The following PRMT8 variants were observed in gnomAD, a reference collection of about 807,000 sequenced individuals.
The protein encoded by PRMT8 is protein arginine methyltransferase 8.
PRMT8 carries 7 observed loss-of-function variants against 47.1 expected under a neutral mutation model. The observed-to-expected ratio is 0.15, with a 90% confidence interval of 0.08 to 0.28. The LOEUF (loss-of-function observed/expected upper bound fraction) is 0.28, where lower values mean the gene tolerates loss of function less well. Ranked by LOEUF, PRMT8 falls within the 10% of genes least tolerant of loss-of-function variation. The pLI is 1.00. For missense variants in PRMT8, 237 were observed against 505.4 expected, an observed-to-expected ratio of 0.47 and a Z score of 5.09; for synonymous variants, 188 against 186.5, an observed-to-expected ratio of 1.01 and a Z score of -0.07.
Position 3,568,691 on chromosome 12 carries a change from G to T in PRMT8, c.482-15G>T. The T allele has an allele frequency of 6.2e-7, 1 of 1,614,132 alleles. No individual in the cohort carries two copies. The highest frequency in any genetic ancestry group is 8.5e-7 in the Non-Finnish European group (1 of 1,180,010). On this transcript the variant is annotated splice_polypyrimidine_tract_variant and intron_variant, in intron 4 of 9. Coordinates refer to ENST00000382622, the MANE Select transcript of PRMT8 (RefSeq NM_019854.5). ...GGTCCCTGCAAAGTATGGCCCTGGG[G>T]TTCTTATTTTCCAGTCATCACCATA...
chr12:3,591,168 G>A (rs538067032), intron 8 of PRMT8, among the ~76,000 whole-genome samples: 10 of 152,224 alleles, frequency 6.6e-5, no homozygotes, highest in African/African-American at 2.4e-4. Flanking sequence ...AGAATATATC[G>A]TGTGCTGAGA....
intron 1 of PRMT8, among the ~76,000 whole-genome samples, chr12:3,382,860 A>G (rs1039252258): frequency 1.3e-5 from 2 of 152,168 alleles, no homozygotes; most frequent in African/African-American, 4.8e-5. Flanking sequence ...TAACTCCATG[A>G]TACATTTTGA....
At chr12:3,542,409 A>G (rs1866247308) in intron 2 of PRMT8, among the ~76,000 whole-genome samples, 1 of 152,224 alleles carries the variant, frequency 6.6e-6, no homozygotes, top group Non-Finnish European at 1.5e-5. Context: ...CCACTGGGCT[A>G]GGGATTCCTG....
chr12:3,530,074 T>C (rs180764261), intron 1 of PRMT8, among the ~76,000 whole-genome samples: 1 of 152,336 alleles, frequency 6.6e-6, no homozygotes, highest in African/African-American at 2.4e-5. Context: ...TCCCAGGAGA[T>C]AAGACACTTC....
At chr12:3,467,888 C>T (rs779200709) in intron 1 of PRMT8, among the ~76,000 whole-genome samples, 4 of 152,176 alleles carry the variant, frequency 2.6e-5, no homozygotes, top group Non-Finnish European at 5.9e-5. Flanking sequence ...CAGCTGTGGG[C>T]CACCTGGCAC....
intron 1 of PRMT8, among the ~76,000 whole-genome samples, chr12:3,418,344 G>T (rs936714656): frequency 1.3e-5 from 2 of 152,184 alleles, no homozygotes; most frequent in African/African-American, 2.4e-5. Flanking sequence ...TTTAGAGGCG[G>T]TTTTTTTGCT....
At chr12:3,518,852 A>T (rs1379264511) in intron 1 of PRMT8, among the ~76,000 whole-genome samples, 1 of 152,226 alleles carries the variant, frequency 6.6e-6, no homozygotes, top group Non-Finnish European at 1.5e-5. Context: ...CCAGAAACCC[A>T]GTAGGGCAAG....
rs115016404 is a variant in PRMT8, at chr12:3,567,679, C to A, written c.482-1027C>A. The stretch of plus-strand genomic sequence containing the variant: ...TACCACAGGGGTTAGGGGTGCCAAT[C>A]CCCCACACAGTTGAAAATCCAAGCA... On this transcript the variant is annotated intron_variant, in intron 4 of 9. Transcript: ENST00000382622. 7.8e-3 allele frequency among the ~76,000 whole-genome samples: 1,192 copies of A among 152,290 alleles called. 12 individuals are homozygous for A. The highest frequency in any genetic ancestry group is 0.026 in the African/African-American group (1,089 of 41,548).
At position 3,435,811 on chromosome 12, in the gene PRMT8, C is replaced by T. The variant is rs549951654; in HGVS notation, c.48+54369C>T. ...CTGGGATTACAGGCGCGAGCCACCA[C>T]GCCCGGCCAACGTCGTGTGTTTTGA... is the stretch of plus-strand genomic sequence containing the variant. On this transcript the variant is annotated intron_variant, in intron 1 of 9. Coordinates refer to the PRMT8 transcript ENST00000452611. Among the ~76,000 whole-genome samples the T allele has an allele frequency of 2.1e-4, 32 of 152,310 alleles. 1 individual carries two copies. The highest frequency in any genetic ancestry group is 5.8e-4 in the East Asian group (3 of 5,166).
intron 7 of PRMT8, among the ~76,000 whole-genome samples, chr12:3,579,659 G>A (rs1217347139): frequency 1.3e-5 from 2 of 152,136 alleles, no homozygotes; most frequent in African/African-American, 4.8e-5. Context: ...GATGTGCTAG[G>A]CAACATCTTG....
intron 1 of PRMT8, among the ~76,000 whole-genome samples, chr12:3,468,464 T>C (rs749958806): frequency 2.0e-5 from 3 of 152,180 alleles, no homozygotes; most frequent in Non-Finnish European, 2.9e-5. Context: ...TCCCATGGGA[T>C]TGTGTATGTG....
At chr12:3,410,360 A>T (rs891478245) in intron 1 of PRMT8, among the ~76,000 whole-genome samples, 2 of 152,220 alleles carry the variant, frequency 1.3e-5, no homozygotes, top group Non-Finnish European at 1.5e-5. Flanking sequence ...CAGAATTGAC[A>T]GAGGCTCCCA....
chr12:3,415,132 G>A (rs1401941669), intron 1 of PRMT8, among the ~76,000 whole-genome samples: 1 of 152,048 alleles, frequency 6.6e-6, no homozygotes, highest in African/African-American at 2.4e-5. Context: ...TGGCTGGAGT[G>A]GCTCACAGAA....
In PRMT8 at chr12:3,566,541, A is replaced by G. The variant is rs1342160541; in HGVS notation, c.482-2165A>G. ...ACTCCTTGTAGAGCAGGCTGTATCCAATTAAAGCTTGATTAAATACCACAT... is the reference window on the plus strand; with the variant it reads ...ACTCCTTGTAGAGCAGGCTGTATCCGATTAAAGCTTGATTAAATACCACAT... On this transcript the variant is annotated intron_variant, in intron 4 of 9. Transcript: ENST00000382622. This position sits in a 1 kb window ranked among gnomAD's most constrained non-coding sequence, Gnocchi z 4.7. Among the ~76,000 whole-genome samples the G allele has an allele frequency of 6.6e-6, 1 of 152,244 alleles. No individual in the cohort carries two copies. Among genetic ancestry groups the G allele is most frequent in the African/African-American group, 2.4e-5 (1 of 41,450 alleles).
At chr12:3,544,404 A>G (rs1866289435) in intron 2 of PRMT8, among the ~76,000 whole-genome samples, 1 of 152,216 alleles carries the variant, frequency 6.6e-6, no homozygotes, top group Admixed American at 6.5e-5. Flanking sequence ...CTAAAGGGTG[A>G]CCACTGGGGG....
intron 1 of PRMT8, among the ~76,000 whole-genome samples, chr12:3,475,143 G>A (rs959893723): frequency 2.0e-4 from 31 of 152,160 alleles, no homozygotes; most frequent in African/African-American, 7.0e-4. Flanking sequence ...AACAGGAGGC[G>A]GCTGGGCCCT....
intron 8 of PRMT8, among the ~76,000 whole-genome samples, chr12:3,587,802 G>A (rs933374453): frequency 6.6e-6 from 1 of 152,184 alleles, no homozygotes; most frequent in Non-Finnish European, 1.5e-5. Flanking sequence ...CAGTGGTAGC[G>A]CGCTCTGCGG....
At chr12:3,517,777 G>A (rs906231193) in intron 1 of PRMT8, among the ~76,000 whole-genome samples, 3 of 152,036 alleles carry the variant, frequency 2.0e-5, no homozygotes, top group African/African-American at 7.2e-5. Context: ...ATAGTCCGCT[G>A]GGGAGAATGT....
At chr12:3,475,708 G>A (rs1865205425) in intron 1 of PRMT8, among the ~76,000 whole-genome samples, 1 of 152,084 alleles carries the variant, frequency 6.6e-6, no homozygotes, top group South Asian at 2.1e-4. Context: ...TGTCCTGAAA[G>A]GGCCTGAGCA....
Sources: allele counts gnomAD v4.1 joint callset (sites outside exome capture counted in the v4.1 genomes callset), GRCh38; gene constraint gnomAD v4.1.1; non-coding constraint Gnocchi (gnomAD v3.1); transcripts MANE v1.5; gene names NCBI Gene and HGNC (gene_info 2026-07-23, HGNC 2026-07-21).